The following ZHX2 variants were observed in gnomAD, a reference collection of about 807,000 sequenced individuals.
ZHX2 encodes zinc fingers and homeoboxes protein 2.
ZHX2 carries 6 observed loss-of-function variants against 21.9 expected under a neutral mutation model. The ratio of observed to expected loss-of-function variants is 0.27; its 90% CI spans 0.15 to 0.54. The LOEUF (loss-of-function observed/expected upper bound fraction) is 0.54. ZHX2 is among the 20% of genes least tolerant of loss of function. The pLI is 0.95. For synonymous variants in ZHX2, 434 were observed against 437.1 expected (o/e 0.99, Z 0.09); for missense variants, 908 against 1,090.7 (o/e 0.83, Z 2.36).
chr8:122,915,225 G>T (rs1378590539), intron 2 of ZHX2, among the ~76,000 whole-genome samples: 1 of 152,190 alleles, frequency 6.6e-6, no homozygotes, highest in Non-Finnish European at 1.5e-5. Context: ...TGAGGCTCCT[G>T]ATGCCCCTTC....
chr8:122,957,534 C>T (rs3109769), intron 3 of ZHX2, among the ~76,000 whole-genome samples: 1 of 152,148 alleles, frequency 6.6e-6, no homozygotes. Flanking sequence ...GTGGTGCCAT[C>T]TCAACTCACC....
In ZHX2 at chr8:122,939,026, G is replaced by A. The variant is rs149892041; in HGVS notation, c.-219-12266G>A. ...GGGTGAAGCATGCAGTAAGAGAAGC[G>A]GTGAGCAGGTGTAATCATAAACTTC... On this transcript the variant is annotated intron_variant, in intron 2 of 3. Coordinates refer to ENST00000314393, the MANE Select transcript of ZHX2 (RefSeq NM_014943.5). Among the ~76,000 whole-genome samples the A allele has an allele frequency of 3.3e-3, 510 of 152,262 alleles. 3 individuals are homozygous for A. Among genetic ancestry groups the A allele is most frequent in the Middle Eastern group, 0.014 (4 of 294 alleles).
At chr8:122,834,996 G>T (rs1324365566) in intron 1 of ZHX2, among the ~76,000 whole-genome samples, 2 of 152,176 alleles carry the variant, frequency 1.3e-5, no homozygotes, top group African/African-American at 4.8e-5. Context: ...GCTTGGTGAT[G>T]AATGGTATCA....
At chr8:122,887,124 G>C (rs1183554388) in intron 2 of ZHX2, among the ~76,000 whole-genome samples, 1 of 151,528 alleles carries the variant, frequency 6.6e-6, no homozygotes, top group African/African-American at 2.4e-5. Flanking sequence ...GTGGAAGTGG[G>C]TGTGAAGTGC....
At chr8:122,894,904 C>T (rs1820061429) in intron 2 of ZHX2, among the ~76,000 whole-genome samples, 2 of 152,170 alleles carry the variant, frequency 1.3e-5, no homozygotes, top group South Asian at 4.1e-4. Flanking sequence ...CTCTGTCCCC[C>T]TCAGTGTCTG....
At chr8:122,879,826 G>T (rs1586354836) in intron 2 of ZHX2, among the ~76,000 whole-genome samples, 1 of 152,076 alleles carries the variant, frequency 6.6e-6, no homozygotes, top group Non-Finnish European at 1.5e-5. Flanking sequence ...CTGAGCTTCT[G>T]GAGAACATCT....
chr8:122,937,771 G>A (rs7825668), intron 2 of ZHX2, among the ~76,000 whole-genome samples: 117 of 150,906 alleles, frequency 7.8e-4, no homozygotes, highest in Non-Finnish European at 1.3e-3. Context: ...TAGAGACAGC[G>A]TTTCACCATG....
Position 122,828,333 on chromosome 8 carries a change from C to T in ZHX2, c.-282-35144C>T, listed in dbSNP as rs1410965649. Reference sequence around the variant, plus strand: ...AGAAAGTATCTGTACAGTGCATGTGCGTGTGTGTGTTAGTGATATGGAGGA... The same window carrying T: ...AGAAAGTATCTGTACAGTGCATGTGTGTGTGTGTGTTAGTGATATGGAGGA... On this transcript the variant is annotated intron_variant, in intron 1 of 3. Transcript: ENST00000314393. The surrounding 1 kb of genome is among the most constrained non-coding windows in gnomAD (Gnocchi z 5.2). 2.0e-5 allele frequency among the ~76,000 whole-genome samples: 3 copies of T among 152,108 alleles called. No individual in the cohort carries two copies. Among genetic ancestry groups the T allele is most frequent in the East Asian group, 3.9e-4 (2 of 5,190 alleles).
intron 1 of ZHX2, among the ~76,000 whole-genome samples, chr8:122,792,445 C>G (rs1481642905): frequency 2.0e-5 from 3 of 152,134 alleles, no homozygotes; most frequent in Non-Finnish European, 4.4e-5. Context: ...GTATACAAGT[C>G]TTTGTTTAGA....
intron 1 of ZHX2, among the ~76,000 whole-genome samples, chr8:122,796,710 C>T (rs1817619358): frequency 6.6e-6 from 1 of 152,056 alleles, no homozygotes; most frequent in Non-Finnish European, 1.5e-5. Context: ...ATGGGAGAGG[C>T]CTTAGTTTAA....
intron 2 of ZHX2, among the ~76,000 whole-genome samples, chr8:122,888,925 A>G (rs1370432564): frequency 6.6e-6 from 1 of 151,300 alleles, no homozygotes; most frequent in Non-Finnish European, 1.5e-5. Context: ...TATAGTAACC[A>G]CTCTTCTACT....
chr8:122,824,337 T>A (rs1818216758), intron 1 of ZHX2, among the ~76,000 whole-genome samples: 1 of 152,218 alleles, frequency 6.6e-6, no homozygotes, highest in Non-Finnish European at 1.5e-5. Context: ...CATGCACCAC[T>A]GACTCTAAGT....
intron 2 of ZHX2, among the ~76,000 whole-genome samples, chr8:122,947,713 T>C (rs1813012561): frequency 6.6e-6 from 1 of 151,842 alleles, no homozygotes; most frequent in Non-Finnish European, 1.5e-5. Context: ...GACTTTTCAA[T>C]GGAGACCTAA....
intron 1 of ZHX2, among the ~76,000 whole-genome samples, chr8:122,835,042 G>T (rs1818463939): frequency 6.6e-6 from 1 of 152,208 alleles, no homozygotes; most frequent in Admixed American, 6.5e-5. Flanking sequence ...TACGGTCTTG[G>T]TCTTCTGGGG....
chr8:122,857,097 G>A (rs545952414), intron 1 of ZHX2, among the ~76,000 whole-genome samples: 4 of 152,194 alleles, frequency 2.6e-5, no homozygotes, highest in African/African-American at 7.2e-5. Context: ...CCTGGTGTGC[G>A]CTGCCTGTCC....
chr8:122,835,466 G>A (rs1357459932), intron 1 of ZHX2, among the ~76,000 whole-genome samples: 2 of 152,162 alleles, frequency 1.3e-5, no homozygotes, highest in African/African-American at 2.4e-5. Context: ...GGAGGAGAAT[G>A]GGTACAGGCA....
chr8:122,950,699 T>C (rs1212977912), intron 2 of ZHX2, among the ~76,000 whole-genome samples: 1 of 152,102 alleles, frequency 6.6e-6, no homozygotes, highest in African/African-American at 2.4e-5. Flanking sequence ...CGTGATGAAA[T>C]AATGATTTTT....
chr8:122,830,674 A>C (rs1216422762), intron 1 of ZHX2, among the ~76,000 whole-genome samples: 2 of 152,198 alleles, frequency 1.3e-5, no homozygotes, highest in African/African-American at 2.4e-5. Context: ...GGAGGTGTCG[A>C]CAGGGAGAAG....
chr8:122,940,199 T>G (rs867271187), intron 2 of ZHX2, among the ~76,000 whole-genome samples: 3 of 152,200 alleles, frequency 2.0e-5, no homozygotes, highest in Admixed American at 6.5e-5. Flanking sequence ...GGGTGCTGGC[T>G]TCAGCCTGTG....
Sources: gnomAD v4.1 joint callset for allele counts (sites outside exome capture counted in the v4.1 genomes callset) on GRCh38, gnomAD v4.1.1 for gene constraint, Gnocchi (gnomAD v3.1) non-coding constraint, MANE v1.5 for transcripts, NCBI Gene and HGNC (gene_info 2026-07-23, HGNC 2026-07-21) for gene names.